PFKP: variants seen among roughly 807,000 people sequenced by gnomAD.
The protein encoded by PFKP is ATP-dependent 6-phosphofructokinase, platelet type.
A neutral mutation model predicts 94.3 loss-of-function variants in PFKP; 101 were observed. That is an observed-to-expected ratio of 1.07 (90% CI 0.91 to 1.26). The LOEUF (loss-of-function observed/expected upper bound fraction) is 1.26. PFKP is among the 50% of genes most tolerant of loss of function. The probability of loss-of-function intolerance (pLI) is 0.00; values close to 1 mark genes in which losing one functional copy is unlikely to be tolerated. For missense variants in PFKP, 1,145 were observed against 1,103.3 expected (o/e 1.04, Z -0.53); for synonymous variants, 573 against 432.6 (o/e 1.32, Z -4.03).
chr10:3,103,727 C>T, intron 4 of PFKP, 52 bp from the exon 5 acceptor site: 2 of 1,602,710 alleles, frequency 1.2e-6, no homozygotes, highest in Non-Finnish European at 1.7e-6. Flanking sequence ...GGGGCACCCC[C>T]CGAACGCGCC....
intron 16 of PFKP, among the ~76,000 whole-genome samples, chr10:3,124,937 G>A (rs961394721): frequency 8.5e-5 from 13 of 152,162 alleles, no homozygotes; most frequent in African/African-American, 1.7e-4. Flanking sequence ...TGCTGCTCTC[G>A]CACGGCCTCC....
At chr10:3,102,109 G>GGC (rs1427960320) in intron 4 of PFKP, among the ~76,000 whole-genome samples, 4 of 150,358 alleles carry the variant, frequency 2.7e-5, no homozygotes, top group Non-Finnish European at 5.9e-5. Flanking sequence ...AAATTAGCCG[G>GGC]GCGTAGTGGC....
chr10:3,133,234 G>A lies in PFKP; in HGVS notation c.1942G>A (p.Asp648Asn), dbSNP rs777816568. 16 of 1,613,778 alleles carry A rather than the reference G, an allele frequency of 9.9e-6. No individual in the cohort carries two copies. The highest frequency in any genetic ancestry group is 3.3e-5 in the Admixed American group (2 of 60,000). Residue 648 changes from aspartate (D) to asparagine (N), a missense_variant, in exon 19 of 22, where the codon GAC becomes AAC. Asp to Asn is a conservative substitution (Grantham distance 23). This residue lies in a region of PFKP where 1,119 missense variants were observed against 1,062.8 expected (regional missense o/e 1.05). Transcript: ENST00000381125. ...NESCSENYTT[D>N]FIYQLYSEEG... The stretch of plus-strand genomic sequence containing the variant: ...GAGCTGCAGTGAAAACTACACCACC[G>A]ACTTCATTTACCAGCTGTATTCAGA...
At chr10:3,135,675 C>T in intron 20 of PFKP, 61 bp from the exon 21 acceptor site, 1 of 1,019,880 alleles carries the variant, frequency 9.8e-7, no homozygotes, top group Non-Finnish European at 1.5e-6. Flanking sequence ...CCCCGTGATT[C>T]TGCTCCCCCA....
At chr10:3,119,111 C>T (rs995090405) in intron 15 of PFKP, among the ~76,000 whole-genome samples, 2 of 140,460 alleles carry the variant, frequency 1.4e-5, no homozygotes, top group East Asian at 2.0e-4. Flanking sequence ...ACCCGGGCCT[C>T]ATCTATTCAG....
chr10:3,121,272 G>T (rs1837370375), intron 16 of PFKP, among the ~76,000 whole-genome samples: 1 of 152,214 alleles, frequency 6.6e-6, no homozygotes, highest in Admixed American at 6.5e-5. Context: ...TTCTCCTGGT[G>T]GTGGGTGTCA....
chr10:3,135,644 G>A, intron 20 of PFKP, 92 bp from the exon 21 acceptor site: 1 of 776,312 alleles, frequency 1.3e-6, no homozygotes, highest in Non-Finnish European at 2.2e-6. Context: ...ATGGTTCTGA[G>A]GAATCTCAGT....
chr10:3,108,942 C>T (rs767497291), intron 9 of PFKP, 149 bp downstream of exon 9: 12 of 661,516 alleles, frequency 1.8e-5, no homozygotes, highest in Non-Finnish European at 2.5e-5. Context: ...TCCTTGAGAC[C>T]TTTGGTGTAG....
At chr10:3,130,762 T>C (rs1366297783) in intron 17 of PFKP, among the ~76,000 whole-genome samples, 1 of 152,188 alleles carries the variant, frequency 6.6e-6, no homozygotes, top group Non-Finnish European at 1.5e-5. Context: ...TTTCACCATG[T>C]TGGTCAGGCT....
intron 18 of PFKP, among the ~76,000 whole-genome samples, chr10:3,132,692 G>A (rs1369841309): frequency 2.6e-5 from 4 of 152,176 alleles, no homozygotes; most frequent in African/African-American, 9.7e-5. Context: ...ATTAGCACCT[G>A]ATGTTTATGA....
intron 8 of PFKP, chr10:3,107,751 C>CTCAG (rs34810963): frequency 1.0e-6 from 1 of 984,956 alleles, no homozygotes; most frequent in African/African-American, 1.8e-5. Flanking sequence ...CACATTCTTA[C>CTCAG]AAAGCCACTG....
chr10:3,114,167 T>C (rs77609805), intron 13 of PFKP, among the ~76,000 whole-genome samples: 1 of 151,702 alleles, frequency 6.6e-6, no homozygotes, highest in Admixed American at 6.6e-5. Context: ...TTTTTTTTTT[T>C]GAGACGAAGT....
At chr10:3,114,685 C>A (rs4881092) in intron 13 of PFKP, among the ~76,000 whole-genome samples, 46,482 of 152,102 alleles carry the variant, frequency 0.31, 7,350 homozygotes, top group Admixed American at 0.33. Flanking sequence ...CTCATGGGGC[C>A]CTCAGGGGAC....
intron 17 of PFKP, 34 bp downstream of exon 17, chr10:3,130,017 C>G: frequency 6.5e-7 from 1 of 1,535,378 alleles, no homozygotes; most frequent in Non-Finnish European, 8.8e-7. Context: ...GGCCCGTCCC[C>G]TTGGGATCCA....
intron 2 of PFKP, among the ~76,000 whole-genome samples, chr10:3,091,158 G>T (rs1258955669): frequency 6.6e-6 from 1 of 152,176 alleles, no homozygotes; most frequent in Non-Finnish European, 1.5e-5. Flanking sequence ...CTCGGGGAGG[G>T]TTTGCCAGTT....
chr10:3,109,579 C>T (rs1466041922), intron 10 of PFKP, 99 bp downstream of exon 10: 19 of 1,408,808 alleles, frequency 1.3e-5, no homozygotes, highest in South Asian at 8.8e-5. Context: ...CGTCGGTGCA[C>T]GATGCATTAC....
At chr10:3,086,490 C>A (rs566831658) in intron 2 of PFKP, among the ~76,000 whole-genome samples, 12 of 152,146 alleles carry the variant, frequency 7.9e-5, no homozygotes, top group Admixed American at 3.3e-4. Flanking sequence ...TGTTTGGAGG[C>A]ATTTTTTGAT....
intron 16 of PFKP, among the ~76,000 whole-genome samples, chr10:3,128,322 T>G (rs181305699): frequency 2.0e-5 from 3 of 152,256 alleles, no homozygotes; most frequent in East Asian, 3.9e-4. Context: ...ATAATTTCTG[T>G]GAAGAGAGGA....
chr10:3,071,389 GT>G (rs1170529584), intron 1 of PFKP, among the ~76,000 whole-genome samples: 2 of 122,926 alleles, frequency 1.6e-5, no homozygotes, highest in Non-Finnish European at 3.4e-5. Context: ...TTGTTTGTTT[GT>G]TTTTTCTACT....
Sources: gnomAD v4.1 joint callset for allele counts (sites outside exome capture counted in the v4.1 genomes callset) on GRCh38, gnomAD v4.1.1 for gene constraint, gnomAD v4.1.1 regional missense constraint, MANE v1.5 for transcripts, NCBI Gene and HGNC (gene_info 2026-07-23, HGNC 2026-07-21) for gene names.